The following ACTL8 variants were observed in gnomAD, a reference collection of about 807,000 sequenced individuals.
ACTL8 encodes actin-like protein 8.
A neutral mutation model predicts 9.3 loss-of-function variants in ACTL8; 3 were observed. That is an observed-to-expected ratio of 0.32 (90% CI 0.15 to 0.83). The LOEUF (loss-of-function observed/expected upper bound fraction) is 0.83. Among genes scored for constraint, ACTL8 ranks in the 40% least tolerant of loss-of-function variants. The probability of loss-of-function intolerance (pLI) is 0.57; values close to 1 mark genes in which losing one functional copy is unlikely to be tolerated. For missense variants in ACTL8, 381 were observed against 492.2 expected, an observed-to-expected ratio of 0.77 and a Z score of 2.14; for synonymous variants, 224 against 205.9, an observed-to-expected ratio of 1.09 and a Z score of -0.75.
intron 1 of ACTL8, among the ~76,000 whole-genome samples, chr1:17,762,627 G>C (rs894517480): frequency 4.6e-5 from 7 of 152,160 alleles, no homozygotes; most frequent in African/African-American, 1.7e-4. Context: ...TGGAGCCCCT[G>C]GTCCCCGATA....
At chr1:17,797,091 A>T (rs1239234239) in intron 1 of ACTL8, among the ~76,000 whole-genome samples, 3 of 151,760 alleles carry the variant, frequency 2.0e-5, no homozygotes, top group Non-Finnish European at 4.4e-5. Context: ...CCTGCTACTA[A>T]GAAGCTCTTG....
At chr1:17,756,392 C>T (rs546832224) in intron 1 of ACTL8, among the ~76,000 whole-genome samples, 185 of 151,426 alleles carry the variant, frequency 1.2e-3, no homozygotes, top group Admixed American at 2.2e-3. Flanking sequence ...GGATTCTTAG[C>T]GGGGGGTTGT....
At chr1:17,759,032 C>G (rs2065984433) in intron 1 of ACTL8, among the ~76,000 whole-genome samples, 1 of 152,186 alleles carries the variant, frequency 6.6e-6, no homozygotes, top group South Asian at 2.1e-4. Context: ...TGAGTGAGAA[C>G]TTACAAGGAT....
chr1:17,797,800 T>C (rs1557439493), intron 1 of ACTL8, among the ~76,000 whole-genome samples: 1 of 152,090 alleles, frequency 6.6e-6, no homozygotes, highest in Non-Finnish European at 1.5e-5. Flanking sequence ...GATAATTAAA[T>C]TGTGGGATGG....
chr1:17,785,563 C>T (rs1236600027), intron 1 of ACTL8, among the ~76,000 whole-genome samples: 2 of 152,198 alleles, frequency 1.3e-5, no homozygotes, highest in African/African-American at 4.8e-5. Context: ...CTTGCTGGTC[C>T]TTCAGGGTCT....
chr1:17,799,444 TTCC>T (rs2066304599), intron 1 of ACTL8, among the ~76,000 whole-genome samples: 1 of 151,898 alleles, frequency 6.6e-6, no homozygotes, highest in African/African-American at 2.4e-5. Flanking sequence ...CTTTGTCAAT[TTCC>T]TCATCTTTTT....
chr1:17,791,908 C>T (rs1337564425), intron 1 of ACTL8, among the ~76,000 whole-genome samples: 1 of 152,200 alleles, frequency 6.6e-6, no homozygotes, highest in Non-Finnish European at 1.5e-5. Flanking sequence ...TGATTTCTTC[C>T]AACTGAAGCC....
At chr1:17,811,432 A>C (rs991387840) in intron 1 of ACTL8, among the ~76,000 whole-genome samples, 2 of 152,196 alleles carry the variant, frequency 1.3e-5, no homozygotes, top group African/African-American at 4.8e-5. Context: ...TGTCTTTCAA[A>C]GAGCAGAATT....
chr1:17,806,697 A>C (rs888678276), intron 1 of ACTL8, among the ~76,000 whole-genome samples: 2 of 152,206 alleles, frequency 1.3e-5, no homozygotes, highest in Admixed American at 6.5e-5. Context: ...GGACATCCAC[A>C]CAGGGAGCAA....
chr1:17,812,280 G>GT (rs1278946508), intron 1 of ACTL8, among the ~76,000 whole-genome samples: 1 of 152,092 alleles, frequency 6.6e-6, no homozygotes, highest in Non-Finnish European at 1.5e-5. Flanking sequence ...ATACACTTTA[G>GT]AATCAACTTG....
intron 1 of ACTL8, among the ~76,000 whole-genome samples, chr1:17,763,358 C>CAT (rs145772203): frequency 4.6e-5 from 7 of 151,864 alleles, no homozygotes; most frequent in Admixed American, 2.6e-4. Context: ...GACGGGGTAG[C>CAT]GTGGGGGTGC....
At position 17,767,640 on chromosome 1, in the gene ACTL8, C is replaced by T. The variant is rs915741797; in HGVS notation, c.-25+12136C>T. ...AAGCCCTTTGCTTTTTGGGTATTGA[C>T]TGTAGATCAGTGCTCACCATGTTTA... On this transcript the variant is annotated intron_variant, in intron 1 of 2. Coordinates refer to ENST00000375406, the MANE Select transcript of ACTL8 (RefSeq NM_030812.3). This position sits in a 1 kb window ranked among gnomAD's most constrained non-coding sequence, Gnocchi z 4.7. Among the ~76,000 whole-genome samples, 2 of 152,126 alleles carry T rather than the reference C, an allele frequency of 1.3e-5. No individual in the cohort carries two copies. Among genetic ancestry groups the T allele is most frequent in the African/African-American group, 4.8e-5 (2 of 41,418 alleles).
chr1:17,811,632 T>G (rs558037317), intron 1 of ACTL8, among the ~76,000 whole-genome samples: 1 of 152,358 alleles, frequency 6.6e-6, no homozygotes, highest in South Asian at 2.1e-4. Flanking sequence ...TAATTATGTT[T>G]TTTGTAAACA....
chr1:17,809,415 C>T (rs1308019709), intron 1 of ACTL8, among the ~76,000 whole-genome samples: 1 of 152,052 alleles, frequency 6.6e-6, no homozygotes, highest in Non-Finnish European at 1.5e-5. Context: ...GTAAGGCAAA[C>T]ATAGGGGCTG....
intron 1 of ACTL8, among the ~76,000 whole-genome samples, chr1:17,804,619 TC>T (rs1407345355): frequency 6.6e-6 from 1 of 151,710 alleles, no homozygotes; most frequent in African/African-American, 2.4e-5. Context: ...TTTTTTTTTT[TC>T]TTTTGAAATG....
chr1:17,795,925 G>A (rs932855905), intron 1 of ACTL8, among the ~76,000 whole-genome samples: 2 of 152,178 alleles, frequency 1.3e-5, no homozygotes, highest in African/African-American at 4.8e-5. Context: ...CTGGCATGGG[G>A]TACAGCATTG....
At position 17,823,378 on chromosome 1, in the gene ACTL8, T is replaced by C. The variant is rs753394597; in HGVS notation, c.348+22T>C. On this transcript the variant is annotated intron_variant, in intron 2 of 2. Coordinates refer to ENST00000375406, the MANE Select transcript of ACTL8 (RefSeq NM_030812.3). This position sits in a 1 kb window ranked among gnomAD's most constrained non-coding sequence, Gnocchi z 5.3. ...GGAGGTGAGGCCTGCCGGGGCCTGC[T>C]CCCACTCGGGAGCGGGAAACAGACT... 3.1e-6 allele frequency: 5 copies of C among 1,595,812 alleles called. No homozygotes were observed. The highest frequency in any genetic ancestry group is 1.1e-5 in the South Asian group (1 of 89,402).
At chr1:17,822,918 A>G in intron 1 of ACTL8, 67 bp from the exon 2 acceptor site, 2 of 1,073,434 alleles carry the variant, frequency 1.9e-6, no homozygotes, top group Non-Finnish European at 2.7e-6. Context: ...ACTGTTGGGT[A>G]GAGGGGGAAG....
intron 1 of ACTL8, among the ~76,000 whole-genome samples, chr1:17,784,876 G>C (rs545485086): frequency 6.6e-6 from 1 of 152,202 alleles, no homozygotes; most frequent in African/African-American, 2.4e-5. Flanking sequence ...AGTTACAAAA[G>C]AAAGAAGTTG....
Sources: gnomAD v4.1 joint callset for allele counts (sites outside exome capture counted in the v4.1 genomes callset) on GRCh38, gnomAD v4.1.1 for gene constraint, Gnocchi (gnomAD v3.1) non-coding constraint, MANE v1.5 for transcripts, NCBI Gene and HGNC (gene_info 2026-07-23, HGNC 2026-07-21) for gene names.